IGSF21: variants seen among roughly 807,000 people sequenced by gnomAD.
IGSF21 encodes immunoglobin superfamily member 21.
A neutral mutation model predicts 46.8 loss-of-function variants in IGSF21; 28 were observed. The ratio of observed to expected loss-of-function variants is 0.60; its 90% CI spans 0.44 to 0.82. The LOEUF is 0.82. IGSF21 is among the 40% of genes least tolerant of loss of function. IGSF21 has a pLI of 0.00. For synonymous variants in IGSF21, 284 were observed against 273.6 expected (o/e 1.04, Z -0.38); for missense variants, 624 against 665.5 (o/e 0.94, Z 0.69).
intron 3 of IGSF21, among the ~76,000 whole-genome samples, chr1:18,305,394 G>C (rs945906042): frequency 6.6e-6 from 1 of 150,564 alleles, no homozygotes; most frequent in Non-Finnish European, 1.5e-5. Flanking sequence ...TGGATGGATG[G>C]ATGGATAATG....
rs1469921064 is a variant in IGSF21 at position 18,108,040 on chromosome 1, C to G, written c.-89C>G. The G allele has an allele frequency of 2.0e-6, 1 of 500,588 alleles. No individual in the cohort carries two copies. The highest frequency in any genetic ancestry group is 3.0e-6 in the Non-Finnish European group (1 of 331,708). The allele number at this position is 500,588 out of a possible 1,614,324, so 31.0% of individuals were successfully genotyped here. On this transcript the variant is annotated 5_prime_UTR_variant, in exon 1 of 10. Coordinates refer to ENST00000251296, the MANE Select transcript of IGSF21 (RefSeq NM_032880.5). ...CACCGCCTCGGCCAGTGGCCGGAGG[C>G]AGGAGCGCGTCTGAGCCCATGGCGA...
intron 1 of IGSF21, among the ~76,000 whole-genome samples, chr1:18,120,084 G>C (rs77055984): frequency 0.03 from 4,564 of 152,326 alleles, 218 homozygotes; most frequent in African/African-American, 0.1. Flanking sequence ...TTATCAATCA[G>C]GTTCTGGCAG....
At chr1:18,268,442 C>CT (rs1041091713) in intron 2 of IGSF21, among the ~76,000 whole-genome samples, 2 of 152,188 alleles carry the variant, frequency 1.3e-5, no homozygotes, top group Admixed American at 1.3e-4. Flanking sequence ...GCTGTAAGTG[C>CT]TTTTGGGCTG....
intron 4 of IGSF21, among the ~76,000 whole-genome samples, chr1:18,349,577 G>A (rs2085929117): frequency 6.6e-6 from 1 of 152,186 alleles, no homozygotes; most frequent in African/African-American, 2.4e-5. Context: ...CTGCATGGCA[G>A]GAACCCAAGG....
intron 1 of IGSF21, among the ~76,000 whole-genome samples, chr1:18,157,205 GTCCAGGGCCCCAGACTCCC>G (rs2086576547): frequency 6.6e-6 from 1 of 152,214 alleles, no homozygotes; most frequent in South Asian, 2.1e-4. Context: ...GTGTTGCTCA[GTCCAGGGCCCCAGACTCCC>G]TGGTGCCTCG....
chr1:18,240,544 T>G (rs2084717144), intron 2 of IGSF21, among the ~76,000 whole-genome samples: 1 of 152,210 alleles, frequency 6.6e-6, no homozygotes, highest in African/African-American at 2.4e-5. Context: ...GTGTCCTGTT[T>G]GTCTTTCTCT....
intron 2 of IGSF21, among the ~76,000 whole-genome samples, chr1:18,279,465 C>T (rs975706867): frequency 6.6e-6 from 1 of 152,148 alleles, no homozygotes; most frequent in African/African-American, 2.4e-5. Context: ...ATTCTGCCAC[C>T]CAGAATTTGC....
chr1:18,302,617 A>G (rs1038848502), intron 3 of IGSF21, among the ~76,000 whole-genome samples: 2 of 151,784 alleles, frequency 1.3e-5, no homozygotes, highest in African/African-American at 4.8e-5. Flanking sequence ...ACAGGCTTGC[A>G]CGGTGTTTTC....
At chr1:18,165,190 G>A (rs558312495) in intron 1 of IGSF21, among the ~76,000 whole-genome samples, 1 of 152,168 alleles carries the variant, frequency 6.6e-6, no homozygotes, top group East Asian at 1.9e-4. Context: ...CTTGGCTAGG[G>A]CTGCCATAGC....
rs530661228 is a variant in IGSF21, at chr1:18,196,415, C to T, written c.71-31483C>T. ...GCCTTGGATACTTCCTGAGTCCCTG[C>T]AGGGCGCGTCTGCAGAATCCAAGTG... is the stretch of plus-strand genomic sequence containing the variant. On this transcript the variant is annotated intron_variant, in intron 1 of 9. Transcript: ENST00000251296. Among the ~76,000 whole-genome samples the T allele has an allele frequency of 8.5e-4, 129 of 152,294 alleles. 1 individual carries two copies. The highest frequency in any genetic ancestry group is 2.8e-3 in the Admixed American group (43 of 15,304).
chr1:18,152,734 C>T (rs2086532130), intron 1 of IGSF21, among the ~76,000 whole-genome samples: 2 of 152,144 alleles, frequency 1.3e-5, no homozygotes, highest in South Asian at 4.1e-4. Context: ...TCTCATCATG[C>T]ATTGTTATAA....
chr1:18,243,988 G>A (rs1361419246), intron 2 of IGSF21, among the ~76,000 whole-genome samples: 1 of 152,188 alleles, frequency 6.6e-6, no homozygotes, highest in Non-Finnish European at 1.5e-5. Flanking sequence ...CTCGTGGAGG[G>A]CCATGACAGC....
chr1:18,248,095 T>G (rs1349769298), intron 2 of IGSF21, among the ~76,000 whole-genome samples: 1 of 152,216 alleles, frequency 6.6e-6, no homozygotes, highest in East Asian at 1.9e-4. Context: ...GGATTTTTCC[T>G]CTAGTGCTGG....
chr1:18,198,613 G>T (rs949872128), intron 1 of IGSF21, among the ~76,000 whole-genome samples: 2 of 152,344 alleles, frequency 1.3e-5, no homozygotes, highest in East Asian at 3.9e-4. Context: ...TCTTAATGCT[G>T]TAATAAAACT....
At position 18,273,340 on chromosome 1, in the gene IGSF21, C is replaced by A. The variant is rs1019681609; in HGVS notation, c.184-18526C>A. Among the ~76,000 whole-genome samples, 228 of 49,064 alleles carry A rather than the reference C, an allele frequency of 4.6e-3. 11 individuals are homozygous for A. The highest frequency in any genetic ancestry group is 0.019 in the African/African-American group (218 of 11,480). The allele number at this position is 49,064 out of a possible 152,430, so 32.2% of individuals were successfully genotyped here. A position where few individuals can be genotyped will look rare whatever the true frequency, so the allele number is the denominator to read the frequency against. On this transcript the variant is annotated intron_variant, in intron 2 of 9. Coordinates refer to ENST00000251296, the MANE Select transcript of IGSF21 (RefSeq NM_032880.5). Reference sequence around the variant, plus strand: ...ACAGGCATGAGCCACCATTCCTTTCCTTTCCTTTCCTTTCCTTTCCTTTCC... The same window carrying A: ...ACAGGCATGAGCCACCATTCCTTTCATTTCCTTTCCTTTCCTTTCCTTTCC...
In IGSF21 at chr1:18,361,748, C is replaced by T. The variant is rs574186243; in HGVS notation, c.425-367C>T. 1.3e-4 allele frequency: 24 copies of T among 182,342 alleles called. No individual in the cohort carries two copies. In the East Asian group the frequency reaches 1.6e-3, roughly 12 times the overall value. The allele number at this position is 182,342 out of a possible 1,614,324, so 11.3% of individuals were successfully genotyped here. ...CACCCACTCTTGTGACCTCAGATCA[C>T]GGCAGCAATGTGGCTGCTTCAGCAG... On this transcript the variant is annotated intron_variant, in intron 4 of 9. Transcript: ENST00000251296.
chr1:18,226,165 G>T (rs76372080), intron 1 of IGSF21, among the ~76,000 whole-genome samples: 1,658 of 152,316 alleles, frequency 0.011, 22 homozygotes, highest in African/African-American at 0.038. Flanking sequence ...TGGCCTCCTT[G>T]TTTGTCATGC....
chr1:18,112,502 G>A (rs1042872851), intron 1 of IGSF21: 1 of 152,264 alleles, frequency 6.6e-6, no homozygotes, highest in African/African-American at 2.4e-5. Flanking sequence ...GTAAAATGAA[G>A]TCCATTTTGT....
chr1:18,306,516 C>T (rs1199049329), intron 3 of IGSF21, among the ~76,000 whole-genome samples: 1 of 152,062 alleles, frequency 6.6e-6, no homozygotes, highest in African/African-American at 2.4e-5. Context: ...TCCTTTTTCC[C>T]TCTCATATCA....
Sources: gnomAD v4.1 joint callset for allele counts (sites outside exome capture counted in the v4.1 genomes callset) on GRCh38, gnomAD v4.1.1 for gene constraint, MANE v1.5 for transcripts, NCBI Gene and HGNC (gene_info 2026-07-23, HGNC 2026-07-21) for gene names.